The following NCBP2 variants were observed in gnomAD, a reference collection of about 807,000 sequenced individuals.
NCBP2 encodes the protein nuclear cap binding protein subunit 2.
In NCBP2, 8 loss-of-function variants were observed where a neutral mutation model predicts 21.5. That is an observed-to-expected ratio of 0.37 (90% CI 0.22 to 0.67). The LOEUF is 0.67. Ranked by LOEUF, NCBP2 falls within the 30% of genes least tolerant of loss-of-function variation. NCBP2 has a pLI of 0.56. For missense variants in NCBP2, 127 were observed against 206.9 expected, an observed-to-expected ratio of 0.61 and a Z score of 2.37; for synonymous variants, 92 against 75.8, an observed-to-expected ratio of 1.21 and a Z score of -1.11.
At chr3:196,939,064 A>G (rs1021961988) in intron 2 of NCBP2, 187 bp downstream of exon 2, 2 of 500,000 alleles carry the variant, frequency 4.0e-6, no homozygotes, top group Non-Finnish European at 7.0e-6. Context: ...TTAAAGAACC[A>G]TAAAGCATGG....
At chr3:196,937,268 G>GGAA in intron 3 of NCBP2, 186 bp from the exon 4 acceptor site, 1 of 764,170 alleles carries the variant, frequency 1.3e-6, no homozygotes, top group Non-Finnish European at 2.2e-6. Context: ...TCCTGCAGGT[G>GGAA]GAAGATACCT....
intron 1 of NCBP2, chr3:196,942,141 C>T: frequency 1.4e-6 from 2 of 1,465,192 alleles, no homozygotes; most frequent in Non-Finnish European, 1.8e-6. Flanking sequence ...GGAGCCGCCA[C>T]CACCACCACC....
intron 1 of NCBP2, chr3:196,941,710 T>A: frequency 5.4e-5 from 24 of 443,714 alleles, no homozygotes; most frequent in Middle Eastern, 3.3e-4. Flanking sequence ...CATCCCTACC[T>A]CCGCTGATAC....
chr3:196,941,713 G>C (rs995148651), intron 1 of NCBP2: 12 of 447,728 alleles, frequency 2.7e-5, no homozygotes, highest in East Asian at 4.1e-5. Context: ...CCCTACCTCC[G>C]CTGATACTGA....
Position 196,936,312 on chromosome 3 carries a change from A to G in NCBP2, c.*699T>C, listed in dbSNP as rs1256861911. The stretch of plus-strand genomic sequence containing the variant: ...TGTGGAGATTGCTTTTGCACCAACT[A>G]CACAGGAAGGTCCTTGACCTCTAAG... On this transcript the variant is annotated 3_prime_UTR_variant, in exon 4 of 4. Transcript: ENST00000321256. 3.9e-5 allele frequency: 6 copies of G among 152,388 alleles called. No homozygotes were observed. Among genetic ancestry groups the G allele is most frequent in the Non-Finnish European group, 5.9e-5 (4 of 68,180 alleles). 9.4% of individuals were successfully genotyped at this position (152,388 alleles called of 1,614,324 possible).
At chr3:196,940,957 T>TC (rs971721824) in intron 1 of NCBP2, 12 of 152,326 alleles carry the variant, frequency 7.9e-5, no homozygotes, top group African/African-American at 2.6e-4. Flanking sequence ...GAGCCTGTGG[T>TC]CCCAGCTTCT....
In NCBP2 at chr3:196,936,711, G is replaced by A; in HGVS notation, c.*300C>T. 1 of 413,842 alleles carries A rather than the reference G, an allele frequency of 2.4e-6. No individual in the cohort carries two copies. The highest frequency in any genetic ancestry group is 2.0e-5 in the African/African-American group (1 of 49,722). 25.6% of individuals were successfully genotyped at this position (413,842 alleles called of 1,614,324 possible). A position where few individuals can be genotyped will look rare whatever the true frequency, so the allele number is the denominator to read the frequency against. On this transcript the variant is annotated 3_prime_UTR_variant, in exon 4 of 4. Coordinates refer to ENST00000321256, the MANE Select transcript of NCBP2 (RefSeq NM_007362.5). ...CTTACATTTTTCTGTCTTTCTAAAA[G>A]TGTAGTGGTTATGGCTAAAGACTAA...
chr3:196,937,602 C>T lies in NCBP2; in HGVS notation c.307G>A (p.Gly103Arg). 6.2e-7 allele frequency: 1 copy of T among 1,614,206 alleles called. No individual in the cohort carries two copies. Among genetic ancestry groups the T allele is most frequent in the Non-Finnish European group, 8.5e-7 (1 of 1,180,044 alleles). Residue 103 changes from glycine to arginine, a missense_variant, in exon 3 of 4, where the codon GGG (glycine) becomes AGG (arginine). Transcript: ENST00000321256. ...DAENAMRYIN[G>R]TRLDDRIIRT... ...ATGATTCGGTCATCCAGACGCGTCC[C>T]ATTTATGTACCGCATGGCGTTTTCC...
chr3:196,937,324 G>T, intron 3 of NCBP2, 186 bp downstream of exon 3: 1 of 864,018 alleles, frequency 1.2e-6, no homozygotes, highest in Non-Finnish European at 1.8e-6. Context: ...GAAACGTACA[G>T]AACATACCAT....
chr3:196,939,029 G>A (rs961723706), intron 2 of NCBP2: 2 of 435,580 alleles, frequency 4.6e-6, no homozygotes, highest in Non-Finnish European at 4.0e-6. Flanking sequence ...TACGTGAAGG[G>A]CAAACATTCT....
At position 196,936,375 on chromosome 3, in the gene NCBP2, C is replaced by T. The variant is rs1483103424; in HGVS notation, c.*636G>A. 1 of 152,666 alleles carries T rather than the reference C, an allele frequency of 6.6e-6. No homozygotes were observed. Among genetic ancestry groups the T allele is most frequent in the African/African-American group, 2.4e-5 (1 of 41,452 alleles). 9.5% of individuals were successfully genotyped at this position (152,666 alleles called of 1,614,324 possible). A position where few individuals can be genotyped will look rare whatever the true frequency, so the allele number is the denominator to read the frequency against. ...GGTTAGAATTCACAGAAAACAAATT[C>T]AATTGTCAAACACCTGTTCCTAATT... is the stretch of plus-strand genomic sequence containing the variant. On this transcript the variant is annotated 3_prime_UTR_variant, in exon 4 of 4. Coordinates refer to ENST00000321256, the MANE Select transcript of NCBP2 (RefSeq NM_007362.5).
rs973395981 is a variant in NCBP2, at chr3:196,936,654, C to T, written c.*357G>A. 2.2e-5 allele frequency: 5 copies of T among 222,698 alleles called. No homozygotes were observed. The Admixed American group carries it at 2.6e-4, about 12-fold the overall frequency. The allele number at this position is 222,698 out of a possible 1,614,324, so 13.8% of individuals were successfully genotyped here. On this transcript the variant is annotated 3_prime_UTR_variant, in exon 4 of 4. Coordinates refer to ENST00000321256, the MANE Select transcript of NCBP2 (RefSeq NM_007362.5). ...CCAGGCCCCAATGTAGATCATGAAC[C>T]TACTTAAGACTCATTATGGTAAAAA...
chr3:196,942,412 C>T lies in NCBP2; in HGVS notation c.78+14G>A. 6.2e-7 allele frequency: 1 copy of T among 1,611,032 alleles called. No homozygotes were observed. The highest frequency in any genetic ancestry group is 8.5e-7 in the Non-Finnish European group (1 of 1,179,070). ...GCCCAGGGCCTTCCCGTCTCGCGGC[C>T]CGGCCTCCCTCACCCGGAAGTGCTG... On this transcript the variant is annotated intron_variant, in intron 1 of 3. Transcript: ENST00000321256.
chr3:196,941,942 A>C (rs1716602500), intron 1 of NCBP2: 2 of 1,536,186 alleles, frequency 1.3e-6, no homozygotes, highest in African/African-American at 2.7e-5. Flanking sequence ...CACCGCGTAC[A>C]GCTTCCGTAA....
rs777314085 is a variant in NCBP2 at position 196,942,479 on chromosome 3, G to T, written c.25C>A (p.Leu9Met). Reference protein sequence around the residue: MSGGLLKALRSDSYVELSQ... With the variant: MSGGLLKAMRSDSYVELSQ... ...AGCTCCACGTAGGAGTCGCTGCGCA[G>T]CGCCTTCAGGAGGCCACCCGACATA... Residue 9 changes from leucine to methionine, a missense_variant, in exon 1 of 4, where the codon CTG becomes ATG. Coordinates refer to ENST00000321256, the MANE Select transcript of NCBP2 (RefSeq NM_007362.5). 6.2e-7 allele frequency: 1 copy of T among 1,613,292 alleles called. No individual in the cohort carries two copies. The highest frequency in any genetic ancestry group is 8.5e-7 in the Non-Finnish European group (1 of 1,179,924).
In NCBP2 at chr3:196,936,653, C is replaced by T. The variant is rs772766304; in HGVS notation, c.*358G>A. ...CCCAGGCCCCAATGTAGATCATGAA[C>T]CTACTTAAGACTCATTATGGTAAAA... On this transcript the variant is annotated 3_prime_UTR_variant, in exon 4 of 4. Coordinates refer to ENST00000321256, the MANE Select transcript of NCBP2 (RefSeq NM_007362.5). 5 of 222,770 alleles carry T rather than the reference C, an allele frequency of 2.2e-5. No individual in the cohort carries two copies. The highest frequency in any genetic ancestry group is 3.6e-5 in the Non-Finnish European group (4 of 111,524). The allele number at this position is 222,770 out of a possible 1,614,324, so 13.8% of individuals were successfully genotyped here. A position where few individuals can be genotyped will look rare whatever the true frequency, so the allele number is the denominator to read the frequency against.
rs765518157 is a variant in NCBP2 at position 196,942,391 on chromosome 3, A to G, written c.78+35T>C. ...AAACCGTTTCTCAGCGTTCTTGCCCAGGGCCTTCCCGTCTCGCGGCCCGGC... is the reference window on the plus strand; with the variant it reads ...AAACCGTTTCTCAGCGTTCTTGCCCGGGGCCTTCCCGTCTCGCGGCCCGGC... On this transcript the variant is annotated intron_variant, in intron 1 of 3. Coordinates refer to ENST00000321256, the MANE Select transcript of NCBP2 (RefSeq NM_007362.5). 4.4e-6 allele frequency: 7 copies of G among 1,605,776 alleles called. No homozygotes were observed. In the South Asian group the frequency reaches 7.8e-5, roughly 18 times the overall value.
intron 2 of NCBP2, 123 bp downstream of exon 2, chr3:196,939,128 C>G: frequency 1.3e-6 from 1 of 765,694 alleles, no homozygotes; most frequent in Non-Finnish European, 2.2e-6. Flanking sequence ...GGCAGAGACA[C>G]ACTGGGTGGA....
chr3:196,942,514 A>C lies in NCBP2; in HGVS notation c.-11T>G. 1 of 1,609,686 alleles carries C rather than the reference A, an allele frequency of 6.2e-7. No individual in the cohort carries two copies. The highest frequency in any genetic ancestry group is 8.5e-7 in the Non-Finnish European group (1 of 1,177,904). ...GAGGCCACCCGACATAGTGCAGAGA[A>C]GCGGACCACAATGCGGCGACTCCCG... On this transcript the variant is annotated 5_prime_UTR_variant, in exon 1 of 4. Coordinates refer to ENST00000321256, the MANE Select transcript of NCBP2 (RefSeq NM_007362.5).
Sources: allele counts gnomAD v4.1 joint callset, GRCh38; gene constraint gnomAD v4.1.1; transcripts MANE v1.5; gene names NCBI Gene and HGNC (gene_info 2026-07-23, HGNC 2026-07-21).